Variants in CA10 observed in about 807,000 individuals in gnomAD.
CA10 encodes carbonic anhydrase-related protein 10.
In CA10, 14 loss-of-function variants were observed where a neutral mutation model predicts 44.2. The observed-to-expected ratio is 0.32, with a 90% CI of 0.21 to 0.50. The LOEUF is 0.50. Ranked by LOEUF, CA10 falls within the 20% of genes least tolerant of loss-of-function variation. The pLI is 0.99. For missense variants in CA10, 350 were observed against 409.7 expected (o/e 0.85, Z 1.26); for synonymous variants, 159 against 141.6 (o/e 1.12, Z -0.87).
chr17:51,987,647 A>T (rs1053716841), intron 2 of CA10, among the ~76,000 whole-genome samples: 1 of 151,890 alleles, frequency 6.6e-6, no homozygotes, highest in Non-Finnish European at 1.5e-5. Context: ...AGCAGAAAAT[A>T]AAAAAAAGAC....
intron 3 of CA10, among the ~76,000 whole-genome samples, chr17:51,804,278 GC>G (rs1907046504): frequency 6.6e-6 from 1 of 152,144 alleles, no homozygotes; most frequent in African/African-American, 2.4e-5. Context: ...GATAACACCT[GC>G]CACACAAAAT....
intron 2 of CA10, among the ~76,000 whole-genome samples, chr17:52,053,907 C>G (rs993354550): frequency 3.3e-5 from 5 of 152,052 alleles, no homozygotes; most frequent in Non-Finnish European, 7.4e-5. Flanking sequence ...ATTTCCTATG[C>G]CTGTCTTTAA....
At chr17:51,846,016 T>C (rs1978478689) in intron 3 of CA10, among the ~76,000 whole-genome samples, 1 of 152,210 alleles carries the variant, frequency 6.6e-6, no homozygotes, top group Non-Finnish European at 1.5e-5. Flanking sequence ...CCCTGATCCC[T>C]CGAGAGCCCA....
chr17:51,746,887 C>T (rs1412744093), intron 4 of CA10, among the ~76,000 whole-genome samples: 2 of 152,228 alleles, frequency 1.3e-5, no homozygotes, highest in Non-Finnish European at 2.9e-5. Flanking sequence ...TTCCTAACAT[C>T]AGTTATTGAG....
rs540170318 is a variant in CA10 at position 52,141,506 on chromosome 17, T to G, written c.61+16220A>C. On this transcript the variant is annotated intron_variant, in intron 1 of 8. Coordinates refer to ENST00000451037, the MANE Select transcript of CA10 (RefSeq NM_020178.5). ...TGATTCAACTGTTTCTCAGAAATGT[T>G]TTTTTGTAAAGAGGCAGAGAATACA... Among the ~76,000 whole-genome samples the G allele has an allele frequency of 1.2e-3, 176 of 152,346 alleles. 1 individual carries two copies. The highest frequency in any genetic ancestry group is 3.9e-3 in the African/African-American group (164 of 41,582).
chr17:52,037,251 A>G (rs1171640717), intron 2 of CA10, among the ~76,000 whole-genome samples: 1 of 152,202 alleles, frequency 6.6e-6, no homozygotes, highest in African/African-American at 2.4e-5. Context: ...TGTAGGGAGA[A>G]GAGAGTTCAC....
intron 3 of CA10, among the ~76,000 whole-genome samples, chr17:51,903,891 T>G (rs527315790): frequency 3.4e-4 from 51 of 152,142 alleles, no homozygotes; most frequent in South Asian, 3.1e-3. Flanking sequence ...TAATCAGAAA[T>G]GGGAGAAAAT....
intron 4 of CA10, among the ~76,000 whole-genome samples, 174 bp from the exon 5 acceptor site, chr17:51,653,910 A>T (rs1185743165): frequency 6.6e-6 from 1 of 152,236 alleles, no homozygotes; most frequent in Non-Finnish European, 1.5e-5. Context: ...TGTAAAATGC[A>T]TGTACACGCA....
intron 3 of CA10, among the ~76,000 whole-genome samples, chr17:51,916,579 C>G (rs144158405): frequency 6.6e-6 from 1 of 152,124 alleles, no homozygotes; most frequent in African/African-American, 2.4e-5. Context: ...GTGAGACATG[C>G]CTTTGACCTT....
intron 4 of CA10, among the ~76,000 whole-genome samples, chr17:51,744,181 G>A (rs1904574367): frequency 6.6e-6 from 1 of 151,978 alleles, no homozygotes; most frequent in African/African-American, 2.4e-5. Context: ...CAGGTGTGGT[G>A]GTGCACACCT....
chr17:52,002,790 T>C lies in CA10; in HGVS notation c.136+69529A>G, dbSNP rs868237890. On this transcript the variant is annotated intron_variant, in intron 2 of 8. Transcript: ENST00000451037. ...ATTTCCACATTCCCTCATATAAGCA[T>C]CGCAAGAAGCCAGTTTGCTTATTAC... Among the ~76,000 whole-genome samples, 38 of 151,894 alleles carry C rather than the reference T, an allele frequency of 2.5e-4. 1 individual carries two copies. Among genetic ancestry groups the C allele is most frequent in the Admixed American group, 3.3e-4 (5 of 15,216 alleles).
intron 3 of CA10, among the ~76,000 whole-genome samples, chr17:51,796,550 T>A (rs1906717923): frequency 1.3e-5 from 2 of 152,192 alleles, no homozygotes; most frequent in Non-Finnish European, 1.5e-5. Context: ...GTCTTAGTAC[T>A]TTTTTAGGTA....
intron 1 of CA10, among the ~76,000 whole-genome samples, chr17:52,086,342 C>T (rs1223610440): frequency 6.6e-6 from 1 of 152,162 alleles, no homozygotes; most frequent in East Asian, 1.9e-4. Flanking sequence ...CAAGTCAGGG[C>T]CCAGGTTTCT....
At chr17:51,694,519 G>A (rs564996980) in intron 4 of CA10, among the ~76,000 whole-genome samples, 200 of 140,370 alleles carry the variant, frequency 1.4e-3, no homozygotes, top group African/African-American at 5.3e-3. Flanking sequence ...TTGCTTCTTC[G>A]GTTGTTAAAA....
intron 4 of CA10, among the ~76,000 whole-genome samples, chr17:51,699,432 T>C (rs190006988): frequency 1.4e-3 from 219 of 152,204 alleles, no homozygotes; most frequent in Non-Finnish European, 2.4e-3. Flanking sequence ...TTCTTTGAAC[T>C]AACCTCCTCC....
intron 2 of CA10, among the ~76,000 whole-genome samples, chr17:51,941,978 A>G (rs1983094486): frequency 6.6e-6 from 1 of 152,116 alleles, no homozygotes; most frequent in African/African-American, 2.4e-5. Context: ...ATACCCTTAC[A>G]CACATGGCAA....
chr17:51,838,742 AAAG>A (rs1204509993), intron 3 of CA10, among the ~76,000 whole-genome samples: 2 of 152,364 alleles, frequency 1.3e-5, no homozygotes, highest in African/African-American at 4.8e-5. Context: ...TCTCAAACAC[AAAG>A]AAGATCGTTG....
chr17:52,124,941 C>T (rs115247579), intron 1 of CA10, among the ~76,000 whole-genome samples: 70 of 152,292 alleles, frequency 4.6e-4, no homozygotes, highest in African/African-American at 1.7e-3. Context: ...ATCTTGCTTA[C>T]ATCTTCAGTG....
intron 2 of CA10, among the ~76,000 whole-genome samples, chr17:52,058,911 C>A (rs7217314): frequency 0.5 from 75,507 of 151,942 alleles, 19,562 homozygotes; most frequent in African/African-American, 0.62. Context: ...AGATCAGGAG[C>A]TGTCATTTAT....
Sources: allele counts gnomAD v4.1 joint callset (sites outside exome capture counted in the v4.1 genomes callset), GRCh38; gene constraint gnomAD v4.1.1; transcripts MANE v1.5; gene names NCBI Gene and HGNC (gene_info 2026-07-23, HGNC 2026-07-21).